TM4SF5: variants seen among roughly 807,000 people sequenced by gnomAD.
The protein encoded by TM4SF5 is transmembrane 4 L six family member 5, also known as transmembrane 4 L6 family member 5.
TM4SF5 carries 16 observed loss-of-function variants against 22.3 expected under a neutral mutation model. The observed-to-expected ratio is 0.72, with a 90% CI of 0.49 to 1.09. TM4SF5 has a LOEUF of 1.09. Ranked by LOEUF, TM4SF5 falls within the 50% of genes least tolerant of loss-of-function variation. The pLI, the probability that TM4SF5 is intolerant of heterozygous loss-of-function variation, is 0.00. For synonymous variants in TM4SF5, 113 were observed against 109.6 expected, an observed-to-expected ratio of 1.03 and a Z score of -0.19; for missense variants, 249 against 266.1, an observed-to-expected ratio of 0.94 and a Z score of 0.45.
At chr17:4,779,298 G>A (rs565441876) in intron 1 of TM4SF5, among the ~76,000 whole-genome samples, 10 of 150,698 alleles carry the variant, frequency 6.6e-5, no homozygotes, top group South Asian at 2.1e-4. Flanking sequence ...GAATGATGAC[G>A]CATGCCTGCG....
chr17:4,778,583 G>GA (rs1917246636), intron 1 of TM4SF5, among the ~76,000 whole-genome samples: 2 of 152,054 alleles, frequency 1.3e-5, no homozygotes, highest in South Asian at 4.1e-4. Flanking sequence ...TTCCAGCCTG[G>GA]ATGACAGAGT....
chr17:4,774,555 A>G (rs1183598177), intron 1 of TM4SF5, among the ~76,000 whole-genome samples: 1 of 152,128 alleles, frequency 6.6e-6, no homozygotes, highest in Non-Finnish European at 1.5e-5. Context: ...TCAAGAAAAT[A>G]AAAAATAAAA....
rs1426094557 is a variant in TM4SF5 at position 4,771,916 on chromosome 17, C to A, written c.-7C>A. On this transcript the variant is annotated 5_prime_UTR_variant, in exon 1 of 5. Transcript: ENST00000270560. ...CACTCACCGCCTGTCCTTCCTGACA[C>A]CTCACCATGTGTACGGGAAAATGTG... 6 of 1,614,078 alleles carry A rather than the reference C, an allele frequency of 3.7e-6. No homozygotes were observed. In the African/African-American group the frequency reaches 6.7e-5, roughly 18 times the overall value.
At chr17:4,775,408 G>A (rs554289407) in intron 1 of TM4SF5, among the ~76,000 whole-genome samples, 5 of 151,606 alleles carry the variant, frequency 3.3e-5, no homozygotes, top group South Asian at 2.1e-4. Context: ...ACAGGCGCCC[G>A]CCACCACGCA....
intron 2 of TM4SF5, 78 bp downstream of exon 2, chr17:4,780,947 AGGTGGGAGTAC>A (rs1466693773): frequency 7.9e-7 from 1 of 1,268,454 alleles, no homozygotes; most frequent in Non-Finnish European, 1.1e-6. Flanking sequence ...TAGCAGGCTG[AGGTGGGAGTAC>A]GGCTTGAGCC....
rs1917340419 is a variant in TM4SF5, at chr17:4,782,845, C to T, written c.396-9C>T. On this transcript the variant is annotated splice_polypyrimidine_tract_variant and intron_variant, in intron 3 of 4. Coordinates refer to ENST00000270560, the MANE Select transcript of TM4SF5 (RefSeq NM_003963.3). The stretch of plus-strand genomic sequence containing the variant: ...TGCCTTCTCCCACGTGGCCTCACCC[C>T]TCCCACAGGGGAGCTTACTTGCTCA... 3 of 1,609,028 alleles carry T rather than the reference C, an allele frequency of 1.9e-6. No homozygotes were observed. Among genetic ancestry groups the T allele is most frequent in the East Asian group, 2.2e-5 (1 of 44,820 alleles).
intron 1 of TM4SF5, among the ~76,000 whole-genome samples, chr17:4,777,569 T>G (rs970383533): frequency 1.3e-5 from 2 of 151,744 alleles, no homozygotes; most frequent in African/African-American, 4.8e-5. Flanking sequence ...AGTGAGACTC[T>G]ATCTCAACAA....
intron 2 of TM4SF5, among the ~76,000 whole-genome samples, chr17:4,781,135 T>TAAAAAAAAAAAAAAAAAAAAAAAA (rs541886050): frequency 8.0e-6 from 1 of 125,172 alleles, no homozygotes. Context: ...AGCAGTGATT[T>TAAAAAAAAAAAAAAAAAAAAAAAA]AAAAAAAAAA....
rs1211364467 is a variant in TM4SF5 at position 4,782,529 on chromosome 17, G to A, written c.285G>A (p.Ala95=). Residue 95 remains alanine (A), a synonymous_variant, in exon 3 of 5, where the codon GCG becomes GCA. Transcript: ENST00000270560. ...TGCTGCGCTCGGTCTTCTCCTCGGCGTTCGGGGTGCTTGGTGCCATCTACT... is the reference window on the plus strand; with the variant it reads ...TGCTGCGCTCGGTCTTCTCCTCGGCATTCGGGGTGCTTGGTGCCATCTACT... ...CRMLRSVFSS[A]FGVLGAIYCL... The A allele has an allele frequency of 6.2e-7, 1 of 1,614,022 alleles. No individual in the cohort carries two copies. The highest frequency in any genetic ancestry group is 1.1e-5 in the South Asian group (1 of 91,076).
In TM4SF5 at chr17:4,783,131, C is replaced by T. The variant is rs1567709072; in HGVS notation, c.*3C>T. On this transcript the variant is annotated 3_prime_UTR_variant, in exon 5 of 5. Coordinates refer to ENST00000270560, the MANE Select transcript of TM4SF5 (RefSeq NM_003963.3). ...TTCCGCAGGACACACCTCACTGAGGCTCCACTGACCGCCGGGTTACACCTG... is the reference window on the plus strand; with the variant it reads ...TTCCGCAGGACACACCTCACTGAGGTTCCACTGACCGCCGGGTTACACCTG... The T allele has an allele frequency of 1.1e-5, 18 of 1,613,978 alleles. No homozygotes were observed. Among genetic ancestry groups the T allele is most frequent in the East Asian group, 2.2e-5 (1 of 44,882 alleles).
intron 2 of TM4SF5, among the ~76,000 whole-genome samples, chr17:4,782,122 G>T (rs1917321502): frequency 6.7e-6 from 1 of 149,530 alleles, no homozygotes; most frequent in Admixed American, 6.7e-5. Flanking sequence ...TTTGAGACGG[G>T]GTCTGGCTCT....
chr17:4,775,015 T>C (rs1306796231), intron 1 of TM4SF5, among the ~76,000 whole-genome samples: 1 of 152,214 alleles, frequency 6.6e-6, no homozygotes, highest in Non-Finnish European at 1.5e-5. Context: ...TATGAGGTGA[T>C]GTCTGAACTG....
intron 1 of TM4SF5, among the ~76,000 whole-genome samples, chr17:4,779,055 C>CA (rs1297196059): frequency 0.044 from 2,391 of 54,122 alleles, 81 homozygotes; most frequent in African/African-American, 0.12. Context: ...GACTCCGTCT[C>CA]AAAAAAAAAA....
chr17:4,775,209 T>A (rs996332411), intron 1 of TM4SF5, among the ~76,000 whole-genome samples: 2 of 151,442 alleles, frequency 1.3e-5, no homozygotes, highest in Non-Finnish European at 2.9e-5. Flanking sequence ...AAAGCCACAG[T>A]GGAGTCATTT....
intron 2 of TM4SF5, among the ~76,000 whole-genome samples, chr17:4,781,255 T>A (rs6502822): frequency 0.64 from 96,438 of 149,784 alleles, 30,931 homozygotes; most frequent in South Asian, 0.82. Context: ...ACTTGAACCC[T>A]GGAGGCAGAG....
At chr17:4,774,637 G>A (rs1597296898) in intron 1 of TM4SF5, among the ~76,000 whole-genome samples, 1 of 152,248 alleles carries the variant, frequency 6.6e-6, no homozygotes. Context: ...GCCGGGCGCA[G>A]TGGCTCATGC....
chr17:4,773,792 C>T lies in TM4SF5; in HGVS notation c.177+1693C>T, dbSNP rs118024857. Among the ~76,000 whole-genome samples the T allele has an allele frequency of 2.4e-3, 362 of 152,258 alleles. 3 individuals carry two copies. Among genetic ancestry groups the T allele is most frequent in the East Asian group, 0.023 (121 of 5,164 alleles). ...GGGGTGCTCCCTCTGCAACCTGAAC[C>T]ACCCCTGTCTCCCCACACTCCTCTG... On this transcript the variant is annotated intron_variant, in intron 1 of 4. Transcript: ENST00000270560.
At chr17:4,779,458 G>A (rs1388406359) in intron 1 of TM4SF5, among the ~76,000 whole-genome samples, 3 of 152,056 alleles carry the variant, frequency 2.0e-5, no homozygotes, top group African/African-American at 7.2e-5. Flanking sequence ...AAAAAGCTAT[G>A]TTTAACCTGA....
intron 2 of TM4SF5, among the ~76,000 whole-genome samples, chr17:4,782,062 C>T (rs1917319559): frequency 6.7e-6 from 1 of 149,944 alleles, no homozygotes; most frequent in South Asian, 2.1e-4. Context: ...TCTGCAAGGA[C>T]AGGTGCAGAA....
Sources: allele counts gnomAD v4.1 joint callset (sites outside exome capture counted in the v4.1 genomes callset), GRCh38; gene constraint gnomAD v4.1.1; transcripts MANE v1.5; gene names NCBI Gene and HGNC (gene_info 2026-07-23, HGNC 2026-07-21).